Variants in NKAIN2 observed in about 807,000 individuals in gnomAD.
NKAIN2 encodes the protein sodium/potassium transporting ATPase interacting 2.
Under a neutral mutation model 32.6 loss-of-function variants are expected in NKAIN2, and 14 were observed. The observed-to-expected ratio is 0.43, with a 90% CI of 0.28 to 0.67. The LOEUF (loss-of-function observed/expected upper bound fraction) is 0.67, where lower values mean the gene tolerates loss of function less well. Ranked by LOEUF, NKAIN2 falls within the 30% of genes least tolerant of loss-of-function variation. The probability of loss-of-function intolerance (pLI) is 0.17; values close to 1 mark genes in which losing one functional copy is unlikely to be tolerated. For missense variants in NKAIN2, 198 were observed against 258.3 expected, an observed-to-expected ratio of 0.77 and a Z score of 1.60; for synonymous variants, 80 against 87.2, an observed-to-expected ratio of 0.92 and a Z score of 0.46.
chr6:124,823,281 G>A lies in NKAIN2; in HGVS notation c.*52G>A, dbSNP rs779807204. 2.8e-5 allele frequency: 37 copies of A among 1,299,814 alleles called. 1 individual carries two copies. The highest frequency in any genetic ancestry group is 5.8e-5 in the African/African-American group (4 of 69,286). 80.5% of individuals were successfully genotyped at this position (1,299,814 alleles called of 1,614,324 possible). On this transcript the variant is annotated 3_prime_UTR_variant, in exon 7 of 7. Coordinates refer to ENST00000368417, the MANE Select transcript of NKAIN2 (RefSeq NM_001040214.3). ...ATGGACCTTTCAAAGAACTTTTTTC[G>A]CAGTGGCCTCCTGCATTTCATGAAG...
In NKAIN2 at chr6:124,692,819, GA is replaced by G. The variant is rs548346323; in HGVS notation, c.474+34444del. Among the ~76,000 whole-genome samples, 366 of 144,874 alleles carry G rather than the reference GA, an allele frequency of 2.5e-3. 3 individuals carry two copies. The highest frequency in any genetic ancestry group is 0.014 in the Admixed American group (203 of 14,540). ...GCGACAGAGCAAGGCTGTCTCAAAA[GA>G]AAAAAAAAAATATATGTAACATGAA... On this transcript the variant is annotated intron_variant, in intron 4 of 6. Coordinates refer to ENST00000368417, the MANE Select transcript of NKAIN2 (RefSeq NM_001040214.3).
intron 4 of NKAIN2, among the ~76,000 whole-genome samples, chr6:124,708,207 G>A (rs1775207960): frequency 6.9e-6 from 1 of 144,208 alleles, no homozygotes; most frequent in Non-Finnish European, 1.5e-5. Flanking sequence ...CTATATCTCT[G>A]TTTTGGTACC....
At chr6:124,809,748 A>G (rs989678140) in intron 5 of NKAIN2, among the ~76,000 whole-genome samples, 1 of 152,114 alleles carries the variant, frequency 6.6e-6, no homozygotes, top group African/African-American at 2.4e-5. Context: ...ACAAAGGGCT[A>G]ATATCCAGAA....
At chr6:124,207,504 C>G (rs973279422) in intron 1 of NKAIN2, among the ~76,000 whole-genome samples, 4 of 148,330 alleles carry the variant, frequency 2.7e-5, no homozygotes, top group African/African-American at 9.9e-5. Flanking sequence ...ATGATTTTTA[C>G]AGTTTTACTA....
rs1226471327 is a variant in NKAIN2, at chr6:123,842,311, C to T, written c.54+38057C>T. Among the ~76,000 whole-genome samples the T allele has an allele frequency of 7.2e-5, 11 of 152,154 alleles. No homozygotes were observed. The East Asian group carries it at 1.7e-3, about 24-fold the overall frequency. ...GATCAAAGTGCCAGATAATTCAGTT[C>T]CTGGTGAGGGCTCTCTTCCTGGCTT... On this transcript the variant is annotated intron_variant, in intron 1 of 6. Coordinates refer to ENST00000368417, the MANE Select transcript of NKAIN2 (RefSeq NM_001040214.3).
At position 124,509,526 on chromosome 6, in the gene NKAIN2, G is replaced by A. The variant is rs142031370; in HGVS notation, c.274-148660G>A. The stretch of plus-strand genomic sequence containing the variant: ...CTTGCTAGTTAGACGTCTTTATTTC[G>A]TTCTACCACAACACTTGCATCTGTG... On this transcript the variant is annotated intron_variant, in intron 3 of 6. Coordinates refer to ENST00000368417, the MANE Select transcript of NKAIN2 (RefSeq NM_001040214.3). Among the ~76,000 whole-genome samples, 533 of 152,056 alleles carry A rather than the reference G, an allele frequency of 3.5e-3. 1 individual carries two copies. Among genetic ancestry groups the A allele is most frequent in the Non-Finnish European group, 5.5e-3 (371 of 67,982 alleles).
chr6:124,058,312 A>C (rs1782762948), intron 1 of NKAIN2, among the ~76,000 whole-genome samples: 1 of 151,922 alleles, frequency 6.6e-6, no homozygotes, highest in Non-Finnish European at 1.5e-5. Flanking sequence ...GAAAGAAAGA[A>C]AGGCTAAAAA....
At chr6:124,787,145 C>A (rs917464431) in intron 4 of NKAIN2, among the ~76,000 whole-genome samples, 1 of 152,064 alleles carries the variant, frequency 6.6e-6, no homozygotes, top group Admixed American at 6.6e-5. Flanking sequence ...GGAAGCAGCA[C>A]CTTTATTCAG....
In NKAIN2 at chr6:124,756,356, C is replaced by T. The variant is rs150532555; in HGVS notation, c.475-34983C>T. 8.6e-4 allele frequency among the ~76,000 whole-genome samples: 131 copies of T among 151,970 alleles called. 1 individual carries two copies. The highest frequency in any genetic ancestry group is 2.9e-3 in the African/African-American group (119 of 41,414). The stretch of plus-strand genomic sequence containing the variant: ...TTTAGACACAGGTGTGAACCCATTT[C>T]GTTTTTGTTTGTTTGTTTGTTTTGG... On this transcript the variant is annotated intron_variant, in intron 4 of 6. Transcript: ENST00000368417.
chr6:124,705,523 G>A lies in NKAIN2; in HGVS notation c.474+47137G>A, dbSNP rs147827991. 9.3e-4 allele frequency among the ~76,000 whole-genome samples: 142 copies of A among 152,140 alleles called. 3 individuals are homozygous for A. The East Asian group carries it at 0.026, about 28-fold the overall frequency. ...AGAAGAGTGCCTGCCATGGGTACAA[G>A]TCTCCTGTTTGGTAAAAATTGCATC... On this transcript the variant is annotated intron_variant, in intron 4 of 6. Coordinates refer to ENST00000368417, the MANE Select transcript of NKAIN2 (RefSeq NM_001040214.3).
intron 3 of NKAIN2, among the ~76,000 whole-genome samples, chr6:124,594,337 A>G (rs1307302601): frequency 6.6e-6 from 1 of 152,214 alleles, no homozygotes; most frequent in Admixed American, 6.5e-5. Flanking sequence ...AGAGACAGAG[A>G]GGGGAGCCTA....
At chr6:124,549,433 A>G (rs1780209398) in intron 3 of NKAIN2, among the ~76,000 whole-genome samples, 1 of 152,180 alleles carries the variant, frequency 6.6e-6, no homozygotes, top group Non-Finnish European at 1.5e-5. Context: ...TTTTTCAAAG[A>G]ATCACAGAAA....
chr6:124,334,335 A>T (rs745601388), intron 2 of NKAIN2, among the ~76,000 whole-genome samples: 8 of 152,242 alleles, frequency 5.3e-5, no homozygotes, highest in Non-Finnish European at 8.8e-5. Context: ...CCCCAGACAG[A>T]GTCGATTTAT....
intron 1 of NKAIN2, among the ~76,000 whole-genome samples, chr6:123,958,861 A>G (rs900559794): frequency 6.6e-6 from 1 of 152,190 alleles, no homozygotes; most frequent in African/African-American, 2.4e-5. Flanking sequence ...CTTATTCTTT[A>G]TAGACCAGGA....
chr6:124,452,128 G>A (rs1776132692), intron 3 of NKAIN2, among the ~76,000 whole-genome samples: 1 of 150,864 alleles, frequency 6.6e-6, no homozygotes, highest in Non-Finnish European at 1.5e-5. Flanking sequence ...CTGGGAGGCA[G>A]AGGTTGCAGT....
At chr6:124,619,238 C>G (rs192469649) in intron 3 of NKAIN2, among the ~76,000 whole-genome samples, 3 of 152,100 alleles carry the variant, frequency 2.0e-5, no homozygotes, top group Non-Finnish European at 4.4e-5. Flanking sequence ...CAAAGATGCT[C>G]AGCCTATGTC....
At chr6:124,193,944 G>A (rs959994007) in intron 1 of NKAIN2, among the ~76,000 whole-genome samples, 2 of 152,014 alleles carry the variant, frequency 1.3e-5, no homozygotes, top group African/African-American at 4.8e-5. Flanking sequence ...CTCCACAGCT[G>A]GTTGTGTCAT....
chr6:124,718,948 G>C (rs1034504801), intron 4 of NKAIN2, among the ~76,000 whole-genome samples: 1 of 152,064 alleles, frequency 6.6e-6, no homozygotes, highest in Non-Finnish European at 1.5e-5. Context: ...TTTGTTAATA[G>C]AGAAAAAATT....
intron 4 of NKAIN2, among the ~76,000 whole-genome samples, chr6:124,700,852 T>A (rs934476374): frequency 6.0e-5 from 9 of 149,496 alleles, no homozygotes; most frequent in African/African-American, 2.2e-4. Flanking sequence ...GCTCTTCATA[T>A]AGAAATTGTC....
Sources: gnomAD v4.1 joint callset for allele counts (sites outside exome capture counted in the v4.1 genomes callset) on GRCh38, gnomAD v4.1.1 for gene constraint, MANE v1.5 for transcripts, NCBI Gene and HGNC (gene_info 2026-07-23, HGNC 2026-07-21) for gene names.